The following RBFOX2 variants were observed in gnomAD, a reference collection of about 807,000 sequenced individuals.
The protein encoded by RBFOX2 is RNA binding fox-1 homolog 2.
A neutral mutation model predicts 49.1 loss-of-function variants in RBFOX2; 10 were observed. That is an observed-to-expected ratio of 0.20 (90% CI 0.13 to 0.35). The LOEUF (loss-of-function observed/expected upper bound fraction) is 0.35, where lower values mean the gene tolerates loss of function less well. Among genes scored for constraint, RBFOX2 ranks in the 10% least tolerant of loss-of-function variants. RBFOX2 has a pLI of 1.00. For missense variants in RBFOX2, 323 were observed against 486.9 expected, an observed-to-expected ratio of 0.66 and a Z score of 3.17; for synonymous variants, 183 against 187.4, an observed-to-expected ratio of 0.98 and a Z score of 0.19.
intron 2 of RBFOX2, among the ~76,000 whole-genome samples, chr22:35,792,727 C>T (rs1187344718): frequency 6.6e-6 from 1 of 152,156 alleles, no homozygotes; most frequent in Non-Finnish European, 1.5e-5. Context: ...ACCAGCGCAA[C>T]CTGATTTACA....
At chr22:35,929,510 CA>C (rs202091574) in intron 1 of RBFOX2, among the ~76,000 whole-genome samples, 1 of 148,364 alleles carries the variant, frequency 6.7e-6, no homozygotes, top group Non-Finnish European at 1.5e-5. Flanking sequence ...TATTATTTAG[CA>C]AAAAAAAATA....
intron 9 of RBFOX2, among the ~76,000 whole-genome samples, chr22:35,754,217 G>A (rs949373175): frequency 3.4e-5 from 5 of 149,016 alleles, no homozygotes; most frequent in African/African-American, 1.2e-4. Flanking sequence ...TCAGCCTCCC[G>A]AGTAGCTGGG....
At chr22:36,022,407 G>A (rs1176167057) in intron 1 of RBFOX2, among the ~76,000 whole-genome samples, 1 of 152,184 alleles carries the variant, frequency 6.6e-6, no homozygotes. Context: ...CTAGAAAATG[G>A]GAGGGAGTTG....
At chr22:35,870,194 G>C (rs894102256) in intron 1 of RBFOX2, among the ~76,000 whole-genome samples, 1 of 152,162 alleles carries the variant, frequency 6.6e-6, no homozygotes, top group Non-Finnish European at 1.5e-5. Context: ...TGGAACGCAG[G>C]AGGCCCAGGA....
intron 1 of RBFOX2, among the ~76,000 whole-genome samples, chr22:35,948,442 T>C (rs1162198982): frequency 2.0e-5 from 3 of 152,178 alleles, no homozygotes; most frequent in African/African-American, 4.8e-5. Context: ...CTCACTCCTG[T>C]AATCTCAGCA....
At chr22:35,930,017 CTTTTTTTTTTTTT>C (rs58976136) in intron 1 of RBFOX2, among the ~76,000 whole-genome samples, 1 of 121,328 alleles carries the variant, frequency 8.2e-6, no homozygotes, top group African/African-American at 3.5e-5. Context: ...CTTAATAGAA[CTTTTTTTTTTTTT>C]TTTTTTTTTG....
At chr22:36,020,789 C>T (rs1434668456) in intron 1 of RBFOX2, among the ~76,000 whole-genome samples, 2 of 152,216 alleles carry the variant, frequency 1.3e-5, no homozygotes, top group Non-Finnish European at 2.9e-5. Flanking sequence ...CACTTTTACA[C>T]TGTTGGTGGG....
At chr22:35,837,104 C>G (rs1957816090) in intron 1 of RBFOX2, among the ~76,000 whole-genome samples, 1 of 152,128 alleles carries the variant, frequency 6.6e-6, no homozygotes, top group South Asian at 2.1e-4. Flanking sequence ...TAGCAGAGCA[C>G]TGATTACTTA....
chr22:35,904,885 C>T (rs962925391), intron 1 of RBFOX2, among the ~76,000 whole-genome samples: 2 of 152,208 alleles, frequency 1.3e-5, no homozygotes, highest in African/African-American at 4.8e-5. Context: ...ATACTAGCCA[C>T]ATGTCAAGTG....
intron 1 of RBFOX2, among the ~76,000 whole-genome samples, chr22:35,830,306 T>C (rs1956539045): frequency 6.6e-6 from 1 of 152,178 alleles, no homozygotes; most frequent in African/African-American, 2.4e-5. Context: ...GAACAATGCA[T>C]ACAGAATGTT....
intron 4 of RBFOX2, among the ~76,000 whole-genome samples, chr22:35,770,072 T>G (rs1166974547): frequency 6.6e-6 from 1 of 152,190 alleles, no homozygotes; most frequent in Admixed American, 6.5e-5. Context: ...GAAATTTTGA[T>G]ATCAACATTT....
intron 1 of RBFOX2, among the ~76,000 whole-genome samples, chr22:35,925,770 A>C (rs2051561203): frequency 6.6e-6 from 1 of 152,228 alleles, no homozygotes; most frequent in South Asian, 2.1e-4. Context: ...TACACAAAAC[A>C]GAAGGAAAAA....
rs559313924 is a variant in RBFOX2 at position 35,749,042 on chromosome 22, G to T, written c.888-2481C>A. On this transcript the variant is annotated intron_variant, in intron 9 of 11. Coordinates refer to ENST00000405409, the Ensembl canonical transcript of RBFOX2. The surrounding 1 kb of genome is among the most constrained non-coding windows in gnomAD (Gnocchi z 4.1). ...TACAGGAAGCCATAGGAACCTTGGTGGTTTAGGAGTAATGTTACTGCTAAT... is the reference window on the plus strand; with the variant it reads ...TACAGGAAGCCATAGGAACCTTGGTTGTTTAGGAGTAATGTTACTGCTAAT... 6.6e-6 allele frequency among the ~76,000 whole-genome samples: 1 copy of T among 152,324 alleles called. No individual in the cohort carries two copies. The highest frequency in any genetic ancestry group is 1.5e-5 in the Non-Finnish European group (1 of 68,026).
chr22:35,894,168 G>A (rs894437573), intron 1 of RBFOX2, among the ~76,000 whole-genome samples: 2 of 152,022 alleles, frequency 1.3e-5, no homozygotes, highest in Non-Finnish European at 2.9e-5. Context: ...AGTAATAGAA[G>A]GTACTACATT....
upstream of RBFOX2, among the ~76,000 whole-genome samples, chr22:35,940,038 C>A (rs779331085): frequency 6.6e-6 from 1 of 152,222 alleles, no homozygotes; most frequent in South Asian, 2.1e-4. Context: ...AGCAGAACAG[C>A]GTAAAAGAAA....
intron 2 of RBFOX2, among the ~76,000 whole-genome samples, chr22:35,796,461 T>C (rs985935230): frequency 1.3e-5 from 2 of 152,186 alleles, no homozygotes; most frequent in African/African-American, 4.8e-5. Flanking sequence ...TTAACTTAAG[T>C]ATACAAAGAA....
intron 1 of RBFOX2, among the ~76,000 whole-genome samples, chr22:35,906,933 C>T (rs2049186684): frequency 6.6e-6 from 1 of 152,180 alleles, no homozygotes; most frequent in Non-Finnish European, 1.5e-5. Flanking sequence ...ATGGAAACTG[C>T]AGTGATCCTT....
At chr22:35,907,992 A>C (rs1007335372) in intron 1 of RBFOX2, among the ~76,000 whole-genome samples, 1 of 152,172 alleles carries the variant, frequency 6.6e-6, no homozygotes, top group Admixed American at 6.5e-5. Flanking sequence ...TATGCACATC[A>C]ACAGTGTGCA....
chr22:35,791,435 T>C (rs767679788), intron 2 of RBFOX2, among the ~76,000 whole-genome samples: 43 of 152,146 alleles, frequency 2.8e-4, no homozygotes, highest in Non-Finnish European at 5.3e-4. Context: ...TTCTAAACCC[T>C]TAAATATTAA....
Sources: allele counts gnomAD v4.1 joint callset (sites outside exome capture counted in the v4.1 genomes callset), GRCh38; gene constraint gnomAD v4.1.1; non-coding constraint Gnocchi (gnomAD v3.1); transcripts MANE v1.5; gene names NCBI Gene and HGNC (gene_info 2026-07-23, HGNC 2026-07-21).